ZFHX3: variants seen among roughly 807,000 people sequenced by gnomAD.
ZFHX3 encodes zinc finger homeobox 3, also known as zinc finger homeobox protein 3.
In ZFHX3, 42 loss-of-function variants were observed where a neutral mutation model predicts 279.1. The observed-to-expected ratio is 0.15, with a 90% CI of 0.12 to 0.19. The LOEUF (loss-of-function observed/expected upper bound fraction) is 0.19. ZFHX3 is among the 10% of genes least tolerant of loss of function. ZFHX3 has a pLI of 1.00. For synonymous variants in ZFHX3, 2,293 were observed against 1,957.8 expected, an observed-to-expected ratio of 1.17 and a Z score of -4.52; for missense variants, 4,981 against 4,754.0, an observed-to-expected ratio of 1.05 and a Z score of -1.40.
At chr16:72,803,873 G>A (rs1257031629) in intron 7 of ZFHX3, among the ~76,000 whole-genome samples, 1 of 152,216 alleles carries the variant, frequency 6.6e-6, no homozygotes, top group Non-Finnish European at 1.5e-5. Context: ...GTTGGCCTCT[G>A]CCATGCAAAA....
intron 1 of ZFHX3, among the ~76,000 whole-genome samples, chr16:73,018,114 T>C (rs1964169246): frequency 6.6e-6 from 1 of 151,642 alleles, no homozygotes; most frequent in Non-Finnish European, 1.5e-5. Flanking sequence ...GCCTCTTGAG[T>C]AGCTGGGACT....
chr16:73,224,180 G>A (rs954453109), intron 5 of ZFHX3, among the ~76,000 whole-genome samples: 2 of 152,154 alleles, frequency 1.3e-5, no homozygotes, highest in African/African-American at 4.8e-5. Flanking sequence ...TATGGACTTT[G>A]GGTGATACTG....
chr16:73,650,883 T>G (rs2052663975), intron 2 of ZFHX3, among the ~76,000 whole-genome samples: 1 of 152,000 alleles, frequency 6.6e-6, no homozygotes, highest in African/African-American at 2.4e-5. Context: ...TGCAAGTATG[T>G]TAGGGAAAAA....
intron 3 of ZFHX3, among the ~76,000 whole-genome samples, chr16:73,437,072 G>A (rs2018011440): frequency 6.6e-6 from 1 of 152,224 alleles, no homozygotes; most frequent in South Asian, 2.1e-4. Flanking sequence ...AAGCTCTGAT[G>A]TGTAGGAAGC....
chr16:73,409,718 G>A (rs542338518), intron 3 of ZFHX3, among the ~76,000 whole-genome samples: 2 of 152,292 alleles, frequency 1.3e-5, no homozygotes, highest in Admixed American at 1.3e-4. Flanking sequence ...AGTGACCTAA[G>A]GGTACATGAC....
intron 1 of ZFHX3, among the ~76,000 whole-genome samples, chr16:73,681,862 A>T (rs555705103): frequency 1.4e-4 from 22 of 152,240 alleles, no homozygotes; most frequent in Non-Finnish European, 3.2e-4. Flanking sequence ...ATGTAATCAT[A>T]TCTATGTATT....
chr16:73,682,438 G>A (rs1444226899), intron 1 of ZFHX3, among the ~76,000 whole-genome samples: 2 of 152,032 alleles, frequency 1.3e-5, no homozygotes, highest in African/African-American at 4.8e-5. Flanking sequence ...CCTTGAAATG[G>A]TCAAGAATGT....
intron 2 of ZFHX3, among the ~76,000 whole-genome samples, chr16:73,580,556 G>A (rs1214442352): frequency 2.0e-5 from 3 of 150,584 alleles, no homozygotes; most frequent in African/African-American, 7.3e-5. Flanking sequence ...GGACTATCTA[G>A]TTACTTAGAA....
chr16:73,846,631 G>A (rs1036304982), intron 1 of ZFHX3, among the ~76,000 whole-genome samples: 4 of 152,196 alleles, frequency 2.6e-5, no homozygotes, highest in Non-Finnish European at 5.9e-5. Context: ...AGATGCCTCT[G>A]CAGTAAGCCA....
intron 2 of ZFHX3, among the ~76,000 whole-genome samples, chr16:73,497,119 T>C (rs901170893): frequency 3.3e-5 from 5 of 152,168 alleles, no homozygotes; most frequent in Admixed American, 2.6e-4. Context: ...ATATTAACTT[T>C]CCTGTAGAAA....
chr16:73,454,174 T>C (rs897952444), intron 3 of ZFHX3, among the ~76,000 whole-genome samples: 4 of 152,150 alleles, frequency 2.6e-5, no homozygotes, highest in African/African-American at 4.8e-5. Flanking sequence ...TTTTACACCA[T>C]TGTGTTTTGG....
At chr16:73,445,875 G>A (rs965509942) in intron 3 of ZFHX3, among the ~76,000 whole-genome samples, 4 of 152,190 alleles carry the variant, frequency 2.6e-5, no homozygotes, top group Non-Finnish European at 4.4e-5. Flanking sequence ...TGTGAGGTGT[G>A]AGTTCTACAC....
intron 5 of ZFHX3, among the ~76,000 whole-genome samples, chr16:73,168,711 G>A (rs1967452247): frequency 6.6e-6 from 1 of 152,120 alleles, no homozygotes. Flanking sequence ...TGTTCCAAGG[G>A]CAACAGAATA....
chr16:72,909,877 CAAAAA>C (rs66982395), intron 3 of ZFHX3, among the ~76,000 whole-genome samples: 12 of 82,322 alleles, frequency 1.5e-4, no homozygotes, highest in South Asian at 4.5e-4. Flanking sequence ...CACCGTGTCT[CAAAAA>C]AAAAAAAAAA....
At chr16:73,234,374 G>T (rs1456821176) in intron 5 of ZFHX3, among the ~76,000 whole-genome samples, 1 of 152,114 alleles carries the variant, frequency 6.6e-6, no homozygotes, top group African/African-American at 2.4e-5. Context: ...AGCCATGCGC[G>T]CCAGCCACTT....
intron 3 of ZFHX3, among the ~76,000 whole-genome samples, chr16:73,416,344 A>G (rs1410427914): frequency 6.6e-6 from 1 of 152,162 alleles, no homozygotes; most frequent in Non-Finnish European, 1.5e-5. Context: ...AATTAGGAGA[A>G]ATTCTACAAG....
chr16:73,709,377 C>A (rs1471607723), intron 1 of ZFHX3, among the ~76,000 whole-genome samples: 3 of 139,230 alleles, frequency 2.2e-5, no homozygotes, highest in South Asian at 4.7e-4. Context: ...AGAGAGAGAT[C>A]CTGTCTCTTA....
intron 1 of ZFHX3, among the ~76,000 whole-genome samples, chr16:73,702,741 T>C (rs569733371): frequency 6.6e-6 from 1 of 152,154 alleles, no homozygotes; most frequent in Admixed American, 6.5e-5. Context: ...GAAAATTCAA[T>C]TGAATTTTCT....
chr16:72,914,338 C>A (rs562963758), intron 3 of ZFHX3, among the ~76,000 whole-genome samples: 11 of 152,310 alleles, frequency 7.2e-5, no homozygotes, highest in Non-Finnish European at 7.3e-5. Flanking sequence ...ACCTCCCTCT[C>A]TACAAACAGG....
Sources: gnomAD v4.1 joint callset for allele counts (sites outside exome capture counted in the v4.1 genomes callset) on GRCh38, gnomAD v4.1.1 for gene constraint, MANE v1.5 for transcripts, NCBI Gene and HGNC (gene_info 2026-07-23, HGNC 2026-07-21) for gene names.